Variants in TEKT1 observed in about 807,000 individuals in gnomAD.
TEKT1 encodes tektin 1.
A neutral mutation model predicts 34.8 loss-of-function variants in TEKT1; 32 were observed. The ratio of observed to expected loss-of-function variants is 0.92; its 90% CI spans 0.69 to 1.23. The LOEUF (loss-of-function observed/expected upper bound fraction) is 1.23. Ranked by LOEUF, TEKT1 falls within the 50% of genes most tolerant of loss-of-function variation. TEKT1 has a pLI of 0.00. For missense variants in TEKT1, 492 were observed against 518.5 expected, an observed-to-expected ratio of 0.95 and a Z score of 0.50; for synonymous variants, 207 against 199.8, an observed-to-expected ratio of 1.04 and a Z score of -0.30.
intron 6 of TEKT1, among the ~76,000 whole-genome samples, chr17:6,804,156 T>C (rs1976814956): frequency 6.6e-6 from 1 of 152,096 alleles, no homozygotes; most frequent in Non-Finnish European, 1.5e-5. Flanking sequence ...TTTGTAGTTC[T>C]CCTTGAAGAG....
chr17:6,831,457 T>C (rs984537306), intron 1 of TEKT1, among the ~76,000 whole-genome samples, 192 bp downstream of exon 1: 4 of 152,270 alleles, frequency 2.6e-5, no homozygotes, highest in African/African-American at 9.6e-5. Flanking sequence ...CCTAGCCCAG[T>C]CCCTTTTATG....
chr17:6,826,802 TCTC>T (rs1904417074), intron 2 of TEKT1, among the ~76,000 whole-genome samples: 3 of 151,772 alleles, frequency 2.0e-5, no homozygotes, highest in South Asian at 4.2e-4. Context: ...TTCACGCCAT[TCTC>T]CTGCCTCAGC....
chr17:6,829,856 T>G (rs1164679347), intron 2 of TEKT1, among the ~76,000 whole-genome samples: 1 of 152,192 alleles, frequency 6.6e-6, no homozygotes. Flanking sequence ...AATTTTTGTA[T>G]CTTTATCCTC....
At chr17:6,819,023 G>T (rs1977047941) in intron 3 of TEKT1, among the ~76,000 whole-genome samples, 170 bp downstream of exon 3, 1 of 152,172 alleles carries the variant, frequency 6.6e-6, no homozygotes, top group Non-Finnish European at 1.5e-5. Flanking sequence ...ACCAAGTCCA[G>T]TGCCCCTTGC....
chr17:6,800,844 C>A lies in TEKT1; in HGVS notation c.952G>T (p.Glu318Ter). The change falls in exon 7 of 8, where the codon GAG becomes TAG. Residue 318 changes from glutamate to a stop codon, truncating the protein, a stop_gained. Transcript: ENST00000338694. LOFTEE classifies it high-confidence loss of function. ...ACGTTCGGCCGGTGTGTCCTGGTCT[C>A]CAAGCGCGTATGAGCCACCTTGGCT... ...GPAKVAHTRL[E>*]TRTHRPNVEL... The A allele has an allele frequency of 6.2e-7, 1 of 1,614,156 alleles. No homozygotes were observed. Among genetic ancestry groups the A allele is most frequent in the Non-Finnish European group, 8.5e-7 (1 of 1,180,026 alleles).
chr17:6,826,715 C>T (rs1216842221), intron 2 of TEKT1, among the ~76,000 whole-genome samples: 14 of 143,078 alleles, frequency 9.8e-5, no homozygotes, highest in Admixed American at 7.0e-5. Flanking sequence ...TTTTTTTTTG[C>T]GACGGAGTCT....
At chr17:6,816,053 A>G in intron 3 of TEKT1, 91 bp from the exon 4 acceptor site, 1 of 1,532,590 alleles carries the variant, frequency 6.5e-7, no homozygotes, top group Non-Finnish European at 8.8e-7. Context: ...AACTATCTGC[A>G]CGACTGATTT....
chr17:6,825,661 T>C (rs560511226), intron 2 of TEKT1, among the ~76,000 whole-genome samples: 5 of 152,340 alleles, frequency 3.3e-5, no homozygotes, highest in Non-Finnish European at 5.9e-5. Context: ...CACCAAGGTA[T>C]AGATTCATTT....
intron 2 of TEKT1, among the ~76,000 whole-genome samples, chr17:6,827,001 T>C (rs1904426685): frequency 6.6e-6 from 1 of 152,152 alleles, no homozygotes; most frequent in Non-Finnish European, 1.5e-5. Flanking sequence ...GGCCAAGATA[T>C]CATTTTTTAT....
intron 1 of TEKT1, 72 bp downstream of exon 1, chr17:6,831,577 C>CG (rs1380763266): frequency 6.6e-6 from 1 of 152,034 alleles, no homozygotes; most frequent in Non-Finnish European, 1.5e-5. Context: ...CTCATCCCAA[C>CG]GTCATAAGGA....
At chr17:6,806,597 G>A (rs541132672) in intron 6 of TEKT1, among the ~76,000 whole-genome samples, 93 of 152,244 alleles carry the variant, frequency 6.1e-4, no homozygotes, top group Non-Finnish European at 9.4e-4. Context: ...TTTTTGCAGC[G>A]GCTGGTACCA....
intron 6 of TEKT1, 84 bp downstream of exon 6, chr17:6,812,747 G>T: frequency 4.5e-6 from 6 of 1,322,320 alleles, no homozygotes; most frequent in Non-Finnish European, 6.4e-6. Flanking sequence ...GAAGTCTAGC[G>T]GTCTGGCCCA....
chr17:6,825,887 CA>C (rs1904383576), intron 2 of TEKT1, among the ~76,000 whole-genome samples: 1 of 152,174 alleles, frequency 6.6e-6, no homozygotes, highest in Non-Finnish European at 1.5e-5. Flanking sequence ...CAGTTGGGGC[CA>C]TTACAAATGG....
intron 6 of TEKT1, among the ~76,000 whole-genome samples, chr17:6,807,651 G>A (rs866993312): frequency 9.9e-5 from 15 of 152,208 alleles, no homozygotes; most frequent in Middle Eastern, 3.4e-3. Flanking sequence ...GTTTTGGTGT[G>A]GATGTCCTTT....
At chr17:6,819,821 G>A (rs900977300) in intron 2 of TEKT1, among the ~76,000 whole-genome samples, 6 of 152,178 alleles carry the variant, frequency 3.9e-5, no homozygotes, top group Non-Finnish European at 7.3e-5. Context: ...CCGAGTAGCT[G>A]TGACTACAGG....
At chr17:6,807,272 C>T (rs1976858584) in intron 6 of TEKT1, among the ~76,000 whole-genome samples, 1 of 152,198 alleles carries the variant, frequency 6.6e-6, no homozygotes, top group Non-Finnish European at 1.5e-5. Flanking sequence ...GCTACTGAGG[C>T]TTGTGCATTC....
chr17:6,814,058 G>A (rs1976968332), intron 5 of TEKT1, among the ~76,000 whole-genome samples: 1 of 151,344 alleles, frequency 6.6e-6, no homozygotes. Context: ...AGGAACCAAG[G>A]CCCACCATCA....
intron 6 of TEKT1, among the ~76,000 whole-genome samples, chr17:6,802,010 TGA>T (rs1305933170): frequency 2.6e-5 from 4 of 152,368 alleles, no homozygotes; most frequent in East Asian, 3.9e-4. Flanking sequence ...CTTAAATATT[TGA>T]GTGTGTATTT....
rs1976842401 is a variant in TEKT1, at chr17:6,806,245, C to T, written c.853-5302G>A. Among the ~76,000 whole-genome samples, 13 of 152,226 alleles carry T rather than the reference C, an allele frequency of 8.5e-5. No individual in the cohort carries two copies. In the South Asian group the frequency reaches 2.7e-3, roughly 32 times the overall value. ...AATGCCCTCCTTTGTCTCTTTTGAT[C>T]TTTGTTGGTTTAAAGTCTGTTTTAT... On this transcript the variant is annotated intron_variant, in intron 6 of 7. Coordinates refer to ENST00000338694, the MANE Select transcript of TEKT1 (RefSeq NM_053285.2).
Sources: allele counts gnomAD v4.1 joint callset (sites outside exome capture counted in the v4.1 genomes callset), GRCh38; gene constraint gnomAD v4.1.1; transcripts MANE v1.5; gene names NCBI Gene and HGNC (gene_info 2026-07-23, HGNC 2026-07-21).